Variants in SEC24B observed in about 807,000 individuals in gnomAD.
SEC24B encodes protein transport protein Sec24B.
In SEC24B, 45 loss-of-function variants were observed where a neutral mutation model predicts 142.8. The ratio of observed to expected loss-of-function variants is 0.32; its 90% CI spans 0.25 to 0.40. The LOEUF is 0.40. Ranked by LOEUF, SEC24B falls within the 10% of genes least tolerant of loss-of-function variation. The probability of loss-of-function intolerance (pLI) is 1.00; values close to 1 mark genes in which losing one functional copy is unlikely to be tolerated. For synonymous variants in SEC24B, 574 were observed against 568.2 expected, an observed-to-expected ratio of 1.01 and a Z score of -0.15; for missense variants, 1,409 against 1,526.8, an observed-to-expected ratio of 0.92 and a Z score of 1.29.
At chr4:109,495,377 G>A (rs1735435051) in intron 6 of SEC24B, among the ~76,000 whole-genome samples, 1 of 152,120 alleles carries the variant, frequency 6.6e-6, no homozygotes, top group Non-Finnish European at 1.5e-5. Context: ...TACATTGTCT[G>A]GGGTCTAAAC....
At chr4:109,444,345 G>C (rs906433605) in intron 1 of SEC24B, among the ~76,000 whole-genome samples, 2 of 152,112 alleles carry the variant, frequency 1.3e-5, no homozygotes, top group African/African-American at 4.8e-5. Flanking sequence ...GTGTGGTAAG[G>C]AATGTTAAAA....
intron 9 of SEC24B, among the ~76,000 whole-genome samples, chr4:109,513,298 TTC>T (rs1161233011): frequency 6.8e-6 from 1 of 147,684 alleles, no homozygotes. Flanking sequence ...TTTTTTTTTT[TTC>T]GGAGACAGAG....
intron 3 of SEC24B, among the ~76,000 whole-genome samples, chr4:109,473,695 A>G (rs1437023784): frequency 1.3e-5 from 2 of 152,174 alleles, no homozygotes; most frequent in Non-Finnish European, 2.9e-5. Context: ...TGTTTGTTTA[A>G]TATTCTCCAT....
In SEC24B at chr4:109,457,155, A is replaced by G. The variant is rs1373543137; in HGVS notation, c.134-5746A>G. Among the ~76,000 whole-genome samples the G allele has an allele frequency of 3.3e-5, 5 of 152,322 alleles. No individual in the cohort carries two copies. The East Asian group carries it at 9.6e-4, about 29-fold the overall frequency. Reference sequence around the variant, plus strand: ...GTTTCTGGCACTGCTGGAGTTTTGTATACTACACTTTGAGAATTTCTGTTC... The same window carrying G: ...GTTTCTGGCACTGCTGGAGTTTTGTGTACTACACTTTGAGAATTTCTGTTC... On this transcript the variant is annotated intron_variant, in intron 1 of 23. Transcript: ENST00000265175.
At chr4:109,507,572 C>T (rs1013656955) in intron 7 of SEC24B, among the ~76,000 whole-genome samples, 1 of 152,064 alleles carries the variant, frequency 6.6e-6, no homozygotes. Flanking sequence ...CCGCGCTTGG[C>T]CAACATTGTC....
chr4:109,455,920 A>AT (rs556721958), intron 1 of SEC24B, among the ~76,000 whole-genome samples: 71 of 152,262 alleles, frequency 4.7e-4, no homozygotes, highest in Non-Finnish European at 8.4e-4. Context: ...TACAAAAAAA[A>AT]CCTGCTGGTG....
intron 11 of SEC24B, among the ~76,000 whole-genome samples, chr4:109,518,918 C>A (rs1723287081): frequency 6.6e-6 from 1 of 151,614 alleles, no homozygotes; most frequent in Admixed American, 6.6e-5. Flanking sequence ...GTGATCCTCC[C>A]ACTTCAGCCT....
intron 1 of SEC24B, among the ~76,000 whole-genome samples, chr4:109,435,480 C>G (rs939231472): frequency 6.6e-6 from 1 of 152,134 alleles, no homozygotes; most frequent in African/African-American, 2.4e-5. Flanking sequence ...TCATGTTTAC[C>G]AGTGATTCAA....
At chr4:109,511,867 T>TTA in intron 8 of SEC24B, 90 bp from the exon 9 acceptor site, 3 of 1,293,146 alleles carry the variant, frequency 2.3e-6, no homozygotes, top group Non-Finnish European at 3.2e-6. Flanking sequence ...CAATTAAGGT[T>TTA]TATGTTCTGT....
intron 12 of SEC24B, 96 bp from the exon 13 acceptor site, chr4:109,521,021 A>G (rs564482381): frequency 6.6e-6 from 5 of 756,702 alleles, no homozygotes; most frequent in African/African-American, 5.4e-5. Flanking sequence ...AAGCAAAATT[A>G]TAGTACACAT....
rs771758206 is a variant in SEC24B at position 109,533,565 on chromosome 4, T to C, written c.3496-28T>C. The stretch of plus-strand genomic sequence containing the variant: ...AAAATGAATTAACTATTAGGGAGTT[T>C]TAATATTTTGTTGCTTTTTCTTTTT... On this transcript the variant is annotated intron_variant, in intron 21 of 23. Coordinates refer to ENST00000265175, the MANE Select transcript of SEC24B (RefSeq NM_006323.5). 5.0e-6 allele frequency: 7 copies of C among 1,396,658 alleles called. No individual in the cohort carries two copies. In the Admixed American group the frequency reaches 1.2e-4, roughly 24 times the overall value. 86.5% of individuals were successfully genotyped at this position (1,396,658 alleles called of 1,614,324 possible).
chr4:109,536,485 A>G (rs572659265), intron 22 of SEC24B, among the ~76,000 whole-genome samples: 2 of 152,346 alleles, frequency 1.3e-5, no homozygotes, highest in African/African-American at 2.4e-5. Flanking sequence ...AATGTAAAAA[A>G]GGAAACCATG....
intron 22 of SEC24B, among the ~76,000 whole-genome samples, chr4:109,537,717 T>C (rs980089193): frequency 5.3e-5 from 8 of 152,180 alleles, no homozygotes; most frequent in African/African-American, 1.7e-4. Flanking sequence ...TGATCCCCAT[T>C]TGTATTTTCA....
chr4:109,526,085 A>C (rs1724191612), intron 16 of SEC24B, 141 bp from the exon 17 acceptor site: 6 of 723,710 alleles, frequency 8.3e-6, no homozygotes, highest in Non-Finnish European at 1.4e-5. Flanking sequence ...TATTTTAGAA[A>C]CTCTGCCTAT....
At chr4:109,440,236 T>A (rs1240333716) in intron 1 of SEC24B, among the ~76,000 whole-genome samples, 1 of 152,214 alleles carries the variant, frequency 6.6e-6, no homozygotes, top group Non-Finnish European at 1.5e-5. Flanking sequence ...TTGCAGTGTC[T>A]TTTCACTCCC....
chr4:109,511,130 A>G (rs1226171498), intron 8 of SEC24B, among the ~76,000 whole-genome samples: 1 of 151,730 alleles, frequency 6.6e-6, no homozygotes, highest in Non-Finnish European at 1.5e-5. Context: ...TGTATACTAT[A>G]TATATGTATA....
chr4:109,539,251 C>T (rs1725922011), intron 23 of SEC24B, among the ~76,000 whole-genome samples: 2 of 151,832 alleles, frequency 1.3e-5, no homozygotes, highest in Non-Finnish European at 2.9e-5. Flanking sequence ...CGTGAGCCAC[C>T]ACGCCCGGCC....
rs373550185 is a variant in SEC24B at position 109,525,366 on chromosome 4, G to T, written c.2653G>T (p.Ala885Ser). 3.4e-5 allele frequency: 55 copies of T among 1,604,248 alleles called. No homozygotes were observed. The African/African-American group carries it at 6.2e-4, about 18-fold the overall frequency. Residue 885 changes from alanine (A) to serine (S), a missense_variant, in exon 16 of 24, where the codon GCA becomes TCA. Around this residue, in one of 2 missense-constraint regions of SEC24B, gnomAD observed 700 missense variants for 853.3 expected, o/e 0.82. Transcript: ENST00000265175. The part of the protein sequence containing the change: ...ASLACMSKYS[A>S]GCIYYYPSFH... ...TAAAGCTTGCATGTCCAAGTATTCTGCAGGGTGCATCTATTATTATCCATC... is the reference window on the plus strand; with the variant it reads ...TAAAGCTTGCATGTCCAAGTATTCTTCAGGGTGCATCTATTATTATCCATC...
chr4:109,474,899 A>G (rs550179089), intron 3 of SEC24B, among the ~76,000 whole-genome samples: 3 of 152,368 alleles, frequency 2.0e-5, no homozygotes, highest in Non-Finnish European at 4.4e-5. Context: ...CACATACAAT[A>G]TATCAGATAC....
Sources: allele counts gnomAD v4.1 joint callset (sites outside exome capture counted in the v4.1 genomes callset), GRCh38; gene constraint gnomAD v4.1.1; regional missense constraint gnomAD v4.1.1; transcripts MANE v1.5; gene names NCBI Gene and HGNC (gene_info 2026-07-23, HGNC 2026-07-21).